The following EYS variants were observed in gnomAD, a reference collection of about 807,000 sequenced individuals.
EYS encodes EGF-like photoreceptor maintenance factor, also known as protein eyes shut homolog.
In EYS, 250 loss-of-function variants were observed where a neutral mutation model predicts 282.1. That is an observed-to-expected ratio of 0.89 (90% CI 0.80 to 0.98). The LOEUF is 0.98. Ranked by LOEUF, EYS falls within the 50% of genes least tolerant of loss-of-function variation. The pLI is 0.00. For missense variants in EYS, 4,016 were observed against 3,709.0 expected (o/e 1.08, Z -2.15); for synonymous variants, 1,355 against 1,282.9 (o/e 1.06, Z -1.20).
At chr6:65,564,704 A>C (rs1005381598) in intron 2 of EYS, among the ~76,000 whole-genome samples, 2 of 152,158 alleles carry the variant, frequency 1.3e-5, no homozygotes, top group African/African-American at 4.8e-5. Flanking sequence ...CATTCAGGAC[A>C]TAGGGATGGG....
At chr6:63,937,340 C>CTTTT (rs1457486534) in intron 35 of EYS, among the ~76,000 whole-genome samples, 3 of 46,072 alleles carry the variant, frequency 6.5e-5, no homozygotes, top group African/African-American at 1.4e-4. Flanking sequence ...AGGCTTCTCT[C>CTTTT]TTTTCTTTTT....
chr6:64,176,875 G>A (rs1764653007), intron 31 of EYS, among the ~76,000 whole-genome samples: 1 of 151,850 alleles, frequency 6.6e-6, no homozygotes, highest in Non-Finnish European at 1.5e-5. Flanking sequence ...TTAAATAAAT[G>A]ACCTTAGGCT....
intron 15 of EYS, among the ~76,000 whole-genome samples, chr6:64,915,022 C>T (rs1238187150): frequency 1.3e-5 from 2 of 152,006 alleles, no homozygotes; most frequent in Admixed American, 1.3e-4. Context: ...ACTTTCCATC[C>T]TAGTTTGCCT....
At chr6:64,976,382 A>C (rs190107633) in intron 14 of EYS, among the ~76,000 whole-genome samples, 4 of 151,966 alleles carry the variant, frequency 2.6e-5, no homozygotes, top group African/African-American at 9.6e-5. Context: ...AAAAAAAAAA[A>C]CATGAACTAA....
intron 31 of EYS, among the ~76,000 whole-genome samples, chr6:64,106,535 G>C (rs956933117): frequency 1.3e-5 from 2 of 151,896 alleles, no homozygotes; most frequent in African/African-American, 4.8e-5. Flanking sequence ...CTCTTCTATA[G>C]GGAAGGTGCT....
intron 12 of EYS, among the ~76,000 whole-genome samples, chr6:65,259,710 A>C (rs368529833): frequency 6.6e-6 from 1 of 152,034 alleles, no homozygotes; most frequent in Non-Finnish European, 1.5e-5. Context: ...AAATCTTCAC[A>C]TGGAATTTAA....
At position 64,590,947 on chromosome 6, in the gene EYS, A is replaced by G; in HGVS notation, c.4920T>C (p.Ile1640=). The change falls in exon 26 of 43, where the codon ATT becomes ATC. Residue 1640 remains isoleucine, a synonymous_variant. Coordinates refer to ENST00000503581, the MANE Select transcript of EYS (RefSeq NM_001142800.2). ...FPSKKSAKRT[I]LSSSLEESIT... The stretch of plus-strand genomic sequence containing the variant: ...TGGATTCTTCCAAGGATGAGGATAA[A>G]ATTGTTCTTTTTGCACTCTTTTTAG... 1 of 1,551,062 alleles carries G rather than the reference A, an allele frequency of 6.4e-7. No individual in the cohort carries two copies. Among genetic ancestry groups the G allele is most frequent in the East Asian group, 2.4e-5 (1 of 40,894 alleles).
chr6:64,456,273 T>C (rs971736892), intron 26 of EYS, among the ~76,000 whole-genome samples: 1 of 152,114 alleles, frequency 6.6e-6, no homozygotes, highest in Non-Finnish European at 1.5e-5. Context: ...AATGTTATAG[T>C]TGAAAAGGAC....
Position 64,436,130 on chromosome 6 carries a change from T to C in EYS, c.5927+44A>G, listed in dbSNP as rs145170471. 21,556 of 1,199,038 alleles carry C rather than the reference T, an allele frequency of 0.018. 340 individuals carry two copies. The highest frequency in any genetic ancestry group is 0.019 in the Non-Finnish European group (16,058 of 851,358). 74.3% of individuals were successfully genotyped at this position (1,199,038 alleles called of 1,614,324 possible). On this transcript the variant is annotated intron_variant, in intron 28 of 42. Coordinates refer to ENST00000503581, the MANE Select transcript of EYS (RefSeq NM_001142800.2). The stretch of plus-strand genomic sequence containing the variant: ...AGTACAATATTGTTAGGGATAGCCT[T>C]TGCTACTTAATGAGATTAACTGGAA...
intron 2 of EYS, among the ~76,000 whole-genome samples, chr6:65,561,993 T>C (rs913438261): frequency 6.6e-6 from 1 of 151,394 alleles, no homozygotes; most frequent in South Asian, 2.1e-4. Context: ...AACTTTTTCA[T>C]TGTAAAATTT....
intron 22 of EYS, among the ~76,000 whole-genome samples, chr6:64,772,651 C>G (rs1229129797): frequency 6.6e-6 from 1 of 151,806 alleles, no homozygotes; most frequent in East Asian, 1.9e-4. Context: ...CCTACGTACT[C>G]TGCCTCCTCC....
chr6:64,928,891 G>C (rs1183332578), intron 15 of EYS, among the ~76,000 whole-genome samples: 2 of 151,866 alleles, frequency 1.3e-5, no homozygotes, highest in Non-Finnish European at 2.9e-5. Context: ...GCAGTTCTGT[G>C]AATAAAATTT....
chr6:64,973,902 T>G (rs1241043410), intron 14 of EYS, among the ~76,000 whole-genome samples: 1 of 151,836 alleles, frequency 6.6e-6, no homozygotes, highest in Non-Finnish European at 1.5e-5. Context: ...TAAGTCAAAT[T>G]AAAATATGAG....
At chr6:65,407,781 GTGTGTA>G (rs1378819363) in intron 5 of EYS, among the ~76,000 whole-genome samples, 433 of 136,972 alleles carry the variant, frequency 3.2e-3, no homozygotes, top group African/African-American at 0.011. Context: ...GTGTGTGTGT[GTGTGTA>G]TGTCTAACAA....
chr6:64,812,461 A>T (rs572669362), intron 22 of EYS, among the ~76,000 whole-genome samples: 1 of 152,256 alleles, frequency 6.6e-6, no homozygotes, highest in African/African-American at 2.4e-5. Flanking sequence ...CCAAATAAAA[A>T]ATACAGTAGA....
At chr6:64,922,247 C>T (rs1220559423) in intron 15 of EYS, among the ~76,000 whole-genome samples, 2 of 152,226 alleles carry the variant, frequency 1.3e-5, no homozygotes, top group Non-Finnish European at 2.9e-5. Context: ...ATATTTTCCT[C>T]TGAGCCAGGG....
In EYS at chr6:65,162,331, C is replaced by T. The variant is rs536506297; in HGVS notation, c.2024-104604G>A. On this transcript the variant is annotated intron_variant, in intron 12 of 42. Coordinates refer to ENST00000503581, the MANE Select transcript of EYS (RefSeq NM_001142800.2). The stretch of plus-strand genomic sequence containing the variant: ...AATAAAATATTGTTATTTTCTTGAG[C>T]TTGAAATACAAGAAATAATTAGAAT... Among the ~76,000 whole-genome samples the T allele has an allele frequency of 7.9e-5, 12 of 151,252 alleles. No homozygotes were observed. The South Asian group carries it at 2.1e-3, about 26-fold the overall frequency.
intron 35 of EYS, among the ~76,000 whole-genome samples, chr6:63,870,129 T>C (rs1772765780): frequency 6.6e-6 from 1 of 152,208 alleles, no homozygotes; most frequent in Non-Finnish European, 1.5e-5. Context: ...GTAAAGATAA[T>C]GTGCCTATTT....
chr6:65,509,353 C>A (rs1457325713), intron 2 of EYS, among the ~76,000 whole-genome samples: 1 of 152,134 alleles, frequency 6.6e-6, no homozygotes, highest in Non-Finnish European at 1.5e-5. Context: ...TTCCCATCAG[C>A]AGTTTTTGAG....
Sources: gnomAD v4.1 joint callset for allele counts (sites outside exome capture counted in the v4.1 genomes callset) on GRCh38, gnomAD v4.1.1 for gene constraint, MANE v1.5 for transcripts, NCBI Gene and HGNC (gene_info 2026-07-23, HGNC 2026-07-21) for gene names.